ADAM12: variants seen among roughly 807,000 people sequenced by gnomAD.
ADAM12 encodes the protein ADAM metallopeptidase domain 12.
A neutral mutation model predicts 106.4 loss-of-function variants in ADAM12; 70 were observed. That is an observed-to-expected ratio of 0.66 (90% CI 0.54 to 0.80). The LOEUF is 0.80. ADAM12 is among the 30% of genes least tolerant of loss of function. The pLI, the probability that ADAM12 is intolerant of heterozygous loss-of-function variation, is 0.00. For synonymous variants in ADAM12, 420 were observed against 433.5 expected, an observed-to-expected ratio of 0.97 and a Z score of 0.39; for missense variants, 1,010 against 1,171.9, an observed-to-expected ratio of 0.86 and a Z score of 2.02.
intron 1 of ADAM12, among the ~76,000 whole-genome samples, chr10:126,380,322 G>T (rs1198067042): frequency 2.0e-5 from 3 of 152,152 alleles, no homozygotes; most frequent in Non-Finnish European, 4.4e-5. Context: ...CTGCATTACC[G>T]TTCTGCTGAG....
intron 1 of ADAM12, among the ~76,000 whole-genome samples, chr10:126,372,333 A>G (rs1856138411): frequency 6.6e-6 from 1 of 152,184 alleles, no homozygotes; most frequent in African/African-American, 2.4e-5. Flanking sequence ...TACAAAACAC[A>G]TTCCCCAACC....
chr10:126,045,302 C>A (rs527254035), intron 17 of ADAM12, among the ~76,000 whole-genome samples: 24 of 152,286 alleles, frequency 1.6e-4, no homozygotes, highest in Non-Finnish European at 2.1e-4. Flanking sequence ...ACCGTCAACA[C>A]CCCCATCTGA....
chr10:126,047,620 C>T lies in ADAM12; in HGVS notation c.1918-1488G>A, dbSNP rs558982438. On this transcript the variant is annotated intron_variant, in intron 16 of 22. Coordinates refer to ENST00000448723, the MANE Select transcript of ADAM12 (RefSeq NM_001288973.2). ...AAAAAAAAGGTGTCAGTCAGAATGG[C>T]TGTTATTAAAAAGTCAAAAAACAAC... Among the ~76,000 whole-genome samples, 30 of 151,956 alleles carry T rather than the reference C, an allele frequency of 2.0e-4. 1 individual carries two copies. In the South Asian group the frequency reaches 3.7e-3, roughly 19 times the overall value.
intron 3 of ADAM12, among the ~76,000 whole-genome samples, chr10:126,255,636 C>T (rs1958875658): frequency 6.6e-6 from 1 of 152,220 alleles, no homozygotes; most frequent in African/African-American, 2.4e-5. Context: ...TATCAAAACA[C>T]ACTTCCTCCT....
intron 5 of ADAM12, among the ~76,000 whole-genome samples, chr10:126,125,249 C>CT (rs35917087): frequency 0.54 from 71,963 of 134,110 alleles, 19,611 homozygotes; most frequent in East Asian, 0.61. Context: ...CTTTTCTTTT[C>CT]TTTTTTTTTT....
At chr10:126,079,827 A>T (rs1178885734) in intron 11 of ADAM12, among the ~76,000 whole-genome samples, 1 of 152,200 alleles carries the variant, frequency 6.6e-6, no homozygotes, top group Admixed American at 6.5e-5. Context: ...AAGATGTGCC[A>T]ATGGACAACA....
intron 2 of ADAM12, among the ~76,000 whole-genome samples, chr10:126,283,370 C>T (rs573061107): frequency 1.3e-5 from 2 of 152,254 alleles, no homozygotes; most frequent in South Asian, 4.1e-4. Context: ...GTGTAGTTTG[C>T]ACATGTTTGA....
chr10:126,138,090 T>A (rs934557761), intron 4 of ADAM12, among the ~76,000 whole-genome samples: 4 of 152,248 alleles, frequency 2.6e-5, no homozygotes, highest in Admixed American at 1.3e-4. Context: ...ATTATAGCCA[T>A]CCTAGTGGAT....
At chr10:126,022,439 C>T (rs1350032876) in intron 21 of ADAM12, among the ~76,000 whole-genome samples, 1 of 152,200 alleles carries the variant, frequency 6.6e-6, no homozygotes, top group African/African-American at 2.4e-5. Context: ...AGGTAAGATG[C>T]TGGCTTCCTG....
chr10:126,085,411 A>G (rs1955318390), intron 11 of ADAM12, among the ~76,000 whole-genome samples: 1 of 152,232 alleles, frequency 6.6e-6, no homozygotes, highest in African/African-American at 2.4e-5. Flanking sequence ...CAGATAAGGA[A>G]GAGAAAACCT....
chr10:126,225,213 G>C (rs914166498), intron 3 of ADAM12, among the ~76,000 whole-genome samples: 6 of 152,238 alleles, frequency 3.9e-5, no homozygotes, highest in African/African-American at 1.4e-4. Context: ...GTGGCCAGGA[G>C]CTGGCTGCCT....
intron 5 of ADAM12, among the ~76,000 whole-genome samples, chr10:126,128,046 T>C (rs1371893157): frequency 3.3e-5 from 5 of 151,782 alleles, no homozygotes; most frequent in Non-Finnish European, 7.4e-5. Context: ...AGAAAAAAAA[T>C]TGAACGGGGG....
chr10:126,304,969 C>T (rs757694450), intron 2 of ADAM12, among the ~76,000 whole-genome samples: 1 of 151,784 alleles, frequency 6.6e-6, no homozygotes, highest in Non-Finnish European at 1.5e-5. Flanking sequence ...CCACCACCAC[C>T]GACATATAAT....
At chr10:126,157,042 C>A (rs1252897186) in intron 3 of ADAM12, among the ~76,000 whole-genome samples, 3 of 152,124 alleles carry the variant, frequency 2.0e-5, no homozygotes, top group Non-Finnish European at 4.4e-5. Flanking sequence ...TGGGGGGGTG[C>A]TCCTCCACTC....
chr10:126,350,972 A>G (rs1855330267), intron 1 of ADAM12, among the ~76,000 whole-genome samples: 1 of 152,038 alleles, frequency 6.6e-6, no homozygotes, highest in African/African-American at 2.4e-5. Flanking sequence ...ACCTTTGCTC[A>G]TGCTGGTCTT....
intron 1 of ADAM12, among the ~76,000 whole-genome samples, chr10:126,339,920 T>A (rs1223278019): frequency 6.9e-6 from 1 of 144,672 alleles, no homozygotes; most frequent in African/African-American, 2.6e-5. Flanking sequence ...AGTGGCCTGA[T>A]CTCAGCTCAC....
At position 126,169,156 on chromosome 10, in the gene ADAM12, G is replaced by A. The variant is rs986002996; in HGVS notation, c.261-13851C>T. On this transcript the variant is annotated intron_variant, in intron 3 of 22. Transcript: ENST00000448723. ...ACTTAGGCTCTGTGGCCTCCCTTTG[G>A]TTTCCCAAGTCCACCACCCTTCTTA... Among the ~76,000 whole-genome samples, 3 of 152,128 alleles carry A rather than the reference G, an allele frequency of 2.0e-5. No homozygotes were observed. In the East Asian group the frequency reaches 5.8e-4, roughly 29 times the overall value.
chr10:126,079,847 A>G (rs1175025665), intron 11 of ADAM12, among the ~76,000 whole-genome samples: 1 of 152,222 alleles, frequency 6.6e-6, no homozygotes, highest in African/African-American at 2.4e-5. Flanking sequence ...AGGCAAGGCA[A>G]GGAATCATAG....
chr10:126,216,741 G>A (rs928711595), intron 3 of ADAM12, among the ~76,000 whole-genome samples: 6 of 152,230 alleles, frequency 3.9e-5, no homozygotes, highest in Non-Finnish European at 7.3e-5. Flanking sequence ...AGGTCAGGGA[G>A]GTGGCCTCCC....
Sources: gnomAD v4.1 joint callset for allele counts (sites outside exome capture counted in the v4.1 genomes callset) on GRCh38, gnomAD v4.1.1 for gene constraint, MANE v1.5 for transcripts, NCBI Gene and HGNC (gene_info 2026-07-23, HGNC 2026-07-21) for gene names.